Variants in CD109 observed in about 807,000 individuals in gnomAD.
The protein encoded by CD109 is CD109 antigen.
In CD109, 149 loss-of-function variants were observed where a neutral mutation model predicts 165.8. The observed-to-expected ratio is 0.90, with a 90% CI of 0.79 to 1.03. The LOEUF (loss-of-function observed/expected upper bound fraction) is 1.03, where lower values mean the gene tolerates loss of function less well. CD109 is among the 50% of genes least tolerant of loss of function. The pLI, the probability that CD109 is intolerant of heterozygous loss-of-function variation, is 0.00. For synonymous variants in CD109, 585 were observed against 592.1 expected, an observed-to-expected ratio of 0.99 and a Z score of 0.18; for missense variants, 1,712 against 1,677.8, an observed-to-expected ratio of 1.02 and a Z score of -0.36.
At chr6:73,715,480 G>A (rs748518935) in intron 2 of CD109, among the ~76,000 whole-genome samples, 5 of 148,844 alleles carry the variant, frequency 3.4e-5, no homozygotes, top group Non-Finnish European at 5.9e-5. Context: ...CAGGAAGATC[G>A]CTTGAGTCCA....
chr6:73,757,469 T>C (rs1210597468), intron 6 of CD109, among the ~76,000 whole-genome samples: 1 of 152,248 alleles, frequency 6.6e-6, no homozygotes, highest in Admixed American at 6.5e-5. Context: ...TTTTCATATG[T>C]CATGAAATAT....
chr6:73,688,473 G>A, the CD109 span, among the ~76,000 whole-genome samples: 1 of 152,116 alleles, frequency 6.6e-6, no homozygotes, highest in Non-Finnish European at 1.5e-5. Flanking sequence ...GAGCTCCAAA[G>A]ACATTTGTAA....
intron 3 of CD109, 92 bp from the exon 4 acceptor site, chr6:73,730,252 T>A: frequency 1.3e-6 from 1 of 798,786 alleles, no homozygotes; most frequent in Non-Finnish European, 2.1e-6. Flanking sequence ...TTGATAATAC[T>A]GTGTATTTAC....
At chr6:73,812,091 G>A (rs1436494322) in intron 28 of CD109, 114 bp from the exon 29 acceptor site, 4 of 645,646 alleles carry the variant, frequency 6.2e-6, no homozygotes, top group Non-Finnish European at 1.1e-5. Flanking sequence ...AGCTCTTAGT[G>A]CTGTCAGTGA....
chr6:73,788,672 C>A, intron 22 of CD109, 60 bp downstream of exon 22: 3 of 1,435,528 alleles, frequency 2.1e-6, no homozygotes, highest in African/African-American at 1.5e-5. Context: ...ATATGTTGTT[C>A]TTGTAATTAT....
chr6:73,783,997 A>G (rs567526394), intron 19 of CD109, among the ~76,000 whole-genome samples, 173 bp downstream of exon 19: 30 of 152,282 alleles, frequency 2.0e-4, no homozygotes, highest in African/African-American at 6.0e-4. Context: ...TGAGCTATAT[A>G]TAGCTATATA....
At chr6:73,716,783 C>T (rs1378364436) in intron 2 of CD109, among the ~76,000 whole-genome samples, 3 of 152,172 alleles carry the variant, frequency 2.0e-5, no homozygotes, top group South Asian at 2.1e-4. Flanking sequence ...TTTAACTTGA[C>T]GTGATCCCAT....
At chr6:73,743,654 G>A (rs1772872998) in intron 5 of CD109, among the ~76,000 whole-genome samples, 1 of 151,376 alleles carries the variant, frequency 6.6e-6, no homozygotes, top group African/African-American at 2.4e-5. Context: ...GCACATCTTT[G>A]TTTGGACAGT....
rs568316106 is a variant in CD109, at chr6:73,799,730, T to C, written c.2879-3490T>C. On this transcript the variant is annotated intron_variant, in intron 23 of 32. Coordinates refer to ENST00000287097, the MANE Select transcript of CD109 (RefSeq NM_133493.5). ...TTACCTCCAACATTGAGGATTATAATTGAACATGAGATTTGTGTGGGGACA... is the reference window on the plus strand; with the variant it reads ...TTACCTCCAACATTGAGGATTATAACTGAACATGAGATTTGTGTGGGGACA... Among the ~76,000 whole-genome samples, 10 of 152,304 alleles carry C rather than the reference T, an allele frequency of 6.6e-5. 1 individual carries two copies. The highest frequency in any genetic ancestry group is 5.8e-4 in the East Asian group (3 of 5,188).
Position 73,808,254 on chromosome 6 carries a change from G to A in CD109, c.3355+6G>A, listed in dbSNP as rs761229436. 18 of 1,605,816 alleles carry A rather than the reference G, an allele frequency of 1.1e-5. No homozygotes were observed. In the South Asian group the frequency reaches 1.9e-4, roughly 17 times the overall value. ...TTGGAGAGCAGAACAAGAAGGTAAT[G>A]TGCTGGGCCCACTTGAGGTTGTTAT... On this transcript the variant is annotated splice_donor_region_variant and intron_variant, in intron 26 of 32. Transcript: ENST00000287097.
intron 2 of CD109, among the ~76,000 whole-genome samples, chr6:73,717,238 A>G (rs1445866374): frequency 1.3e-5 from 2 of 149,288 alleles, no homozygotes; most frequent in Non-Finnish European, 3.0e-5. Context: ...TTTCTTTCTC[A>G]GTATGGCTTT....
chr6:73,702,381 T>C (rs1440032233), intron 2 of CD109, among the ~76,000 whole-genome samples: 1 of 152,194 alleles, frequency 6.6e-6, no homozygotes, highest in Admixed American at 6.5e-5. Context: ...ATTTCATGCC[T>C]CGTAGATAAA....
chr6:73,695,999 G>T, upstream of CD109: 1 of 534,544 alleles, frequency 1.9e-6, no homozygotes, highest in Non-Finnish European at 3.3e-6. Flanking sequence ...GTTTGCCACA[G>T]CAGCGAGAAG....
At chr6:73,717,533 C>A (rs1172057658) in intron 2 of CD109, among the ~76,000 whole-genome samples, 1 of 148,976 alleles carries the variant, frequency 6.7e-6, no homozygotes, top group Non-Finnish European at 1.5e-5. Context: ...ACTTTATTTG[C>A]TGCTATTGTA....
Position 73,821,126 on chromosome 6 carries a change from G to A in CD109, c.4162+563G>A, listed in dbSNP as rs564150954. Among the ~76,000 whole-genome samples the A allele has an allele frequency of 4.6e-5, 7 of 152,284 alleles. No homozygotes were observed. The East Asian group carries it at 9.6e-4, about 21-fold the overall frequency. Reference sequence around the variant, plus strand: ...TGACCAATGAGAACACTTGGACACAGAGAGGGGATCATCACATACCAGGGC... The same window carrying A: ...TGACCAATGAGAACACTTGGACACAAAGAGGGGATCATCACATACCAGGGC... On this transcript the variant is annotated intron_variant, in intron 32 of 32. Transcript: ENST00000287097.
At chr6:73,775,461 T>C (rs1341434619) in intron 15 of CD109, among the ~76,000 whole-genome samples, 1 of 152,162 alleles carries the variant, frequency 6.6e-6, no homozygotes, top group African/African-American at 2.4e-5. Flanking sequence ...GACCTCTATA[T>C]TCCCATTTTC....
intron 2 of CD109, among the ~76,000 whole-genome samples, chr6:73,703,923 G>A (rs190021259): frequency 3.0e-4 from 46 of 152,258 alleles, no homozygotes; most frequent in Non-Finnish European, 3.5e-4. Context: ...GGTGGCTCAC[G>A]CCTATAATCC....
Position 73,788,537 on chromosome 6 carries a change from A to T in CD109, c.2626A>T (p.Thr876Ser), listed in dbSNP as rs1202250106. The change falls in exon 22 of 33, where the codon ACC becomes TCC. Residue 876 changes from threonine (T) to serine (S), a missense_variant. Physicochemically the swap from Thr to Ser is moderately conservative, Grantham distance 58. Coordinates refer to ENST00000287097, the MANE Select transcript of CD109 (RefSeq NM_133493.5). ...CTTGACTGACAATAGGCTACAGAGT[A>T]CCCTGAAAACTTTGAGTTTCTCATT... ...LDLTDNRLQS[T>S]LKTLSFSFPP... The T allele has an allele frequency of 1.9e-6, 3 of 1,613,206 alleles. No individual in the cohort carries two copies. The highest frequency in any genetic ancestry group is 2.5e-6 in the Non-Finnish European group (3 of 1,179,576).
chr6:73,696,881 A>G (rs1424196761), intron 1 of CD109, among the ~76,000 whole-genome samples: 3 of 152,144 alleles, frequency 2.0e-5, no homozygotes, highest in African/African-American at 7.2e-5. Flanking sequence ...GTTGTAGTTT[A>G]TTTTCAAATG....
Sources: allele counts gnomAD v4.1 joint callset (sites outside exome capture counted in the v4.1 genomes callset), GRCh38; gene constraint gnomAD v4.1.1; transcripts MANE v1.5; gene names NCBI Gene and HGNC (gene_info 2026-07-23, HGNC 2026-07-21).